Variants in COL6A5 observed in about 807,000 individuals in gnomAD.
The protein encoded by COL6A5 is collagen type VI alpha 5 chain.
COL6A5 carries 48 observed loss-of-function variants against 65.6 expected under a neutral mutation model. The observed-to-expected ratio is 0.73, with a 90% CI of 0.58 to 0.93. The LOEUF is 0.93. COL6A5 is among the 40% of genes least tolerant of loss of function. The pLI is 0.00. For synonymous variants in COL6A5, 291 were observed against 322.8 expected (o/e 0.90, Z 1.05); for missense variants, 914 against 928.3 (o/e 0.98, Z 0.20).
chr3:130,448,958 G>A (rs1439922280), intron 4 of COL6A5, among the ~76,000 whole-genome samples: 6 of 152,294 alleles, frequency 3.9e-5, no homozygotes, highest in Non-Finnish European at 5.9e-5. Flanking sequence ...CAGGTTGGAC[G>A]GCCCCCATAG....
intron 4 of COL6A5, among the ~76,000 whole-genome samples, chr3:130,450,520 G>A (rs527253179): frequency 1.3e-5 from 2 of 152,248 alleles, no homozygotes; most frequent in South Asian, 4.2e-4. Context: ...CTTTGTGGGT[G>A]TCTGATCCAA....
At chr3:130,359,126 A>G (rs1385621453) in intron 1 of COL6A5, among the ~76,000 whole-genome samples, 1 of 152,206 alleles carries the variant, frequency 6.6e-6, no homozygotes, top group Non-Finnish European at 1.5e-5. Context: ...ATGGTTAAAT[A>G]CATATAGAAA....
chr3:130,409,338 T>A (rs2107672728), exon 18 of COL6A5: 4 of 1,545,558 alleles, frequency 2.6e-6, no homozygotes, highest in Non-Finnish European at 3.5e-6. Context: ...CAGCCCAGGT[T>A]CCAGAGGTGC....
chr3:130,430,468 A>C (rs1474032106), upstream of COL6A5, among the ~76,000 whole-genome samples: 1 of 152,142 alleles, frequency 6.6e-6, no homozygotes, highest in Admixed American at 6.6e-5. Flanking sequence ...CAGATTGGGG[A>C]TAGAGAACAG....
upstream of COL6A5, among the ~76,000 whole-genome samples, chr3:130,429,795 C>A (rs968671462): frequency 6.6e-6 from 1 of 152,180 alleles, no homozygotes; most frequent in Non-Finnish European, 1.5e-5. Flanking sequence ...GCCTGGGACC[C>A]ATCACAGTTT....
chr3:130,425,881 T>G (rs1937592825), intron 29 of COL6A5, among the ~76,000 whole-genome samples: 1 of 152,208 alleles, frequency 6.6e-6, no homozygotes, highest in African/African-American at 2.4e-5. Context: ...TTAAGCATTC[T>G]TATGAGAAAT....
intron 4 of COL6A5, among the ~76,000 whole-genome samples, chr3:130,448,143 C>T (rs1171232107): frequency 6.6e-6 from 1 of 152,112 alleles, no homozygotes; most frequent in African/African-American, 2.4e-5. Context: ...TAGATAAACA[C>T]ACAAAGTTTT....
chr3:130,376,486 G>C, exon 3 of COL6A5: 1 of 1,606,668 alleles, frequency 6.2e-7, no homozygotes, highest in Non-Finnish European at 8.5e-7. Flanking sequence ...TTCATTGGCG[G>C]GTCCCTGCAG....
chr3:130,475,259 G>A (rs1446735765), intron 7 of COL6A5, among the ~76,000 whole-genome samples: 1 of 151,078 alleles, frequency 6.6e-6, no homozygotes, highest in Non-Finnish European at 1.5e-5. Context: ...CCCCAAATTG[G>A]TAAAAGATAT....
chr3:130,476,648 C>G (rs1323058094), intron 7 of COL6A5, among the ~76,000 whole-genome samples: 3 of 152,054 alleles, frequency 2.0e-5, no homozygotes, highest in Non-Finnish European at 4.4e-5. Context: ...GTTTGCAAAA[C>G]ACTGCTATAA....
intron 1 of COL6A5, among the ~76,000 whole-genome samples, chr3:130,438,491 T>G (rs1054630499): frequency 6.6e-5 from 10 of 152,206 alleles, no homozygotes; most frequent in African/African-American, 2.4e-4. Context: ...ATCTAGTCTT[T>G]ACATGTGGGA....
chr3:130,391,276 C>T (rs764447765), exon 7 of COL6A5: 75 of 1,551,426 alleles, frequency 4.8e-5, no homozygotes, highest in Non-Finnish European at 6.5e-5. Flanking sequence ...ACCTAACTAT[C>T]CATTTGGTGA....
At chr3:130,484,193 A>C in exon 8 of COL6A5, 1 of 738,430 alleles carries the variant, frequency 1.4e-6, no homozygotes, top group Non-Finnish European at 2.0e-6. Flanking sequence ...AGCATGCTAA[A>C]TTTGTTCTCC....
Position 130,365,269 on chromosome 3 carries a change from A to ATGTTT in COL6A5, c.-28-8319_-28-8315dup, listed in dbSNP as rs61258830. Among the ~76,000 whole-genome samples, 1,315 of 152,026 alleles carry ATGTTT rather than the reference A, an allele frequency of 8.6e-3. 20 individuals are homozygous for ATGTTT. Among genetic ancestry groups the ATGTTT allele is most frequent in the African/African-American group, 0.029 (1,203 of 41,470 alleles). On this transcript the variant is annotated intron_variant and NMD_transcript_variant, in intron 1 of 41. Transcript: ENST00000312481. ...AAAATCAACAGATGTCTCCTTTAAG[A>ATGTTT]TGTTTTGTTTTGTTTTGTTTTGTTT...
At chr3:130,439,056 T>C (rs916440258) in intron 1 of COL6A5, among the ~76,000 whole-genome samples, 4 of 152,114 alleles carry the variant, frequency 2.6e-5, no homozygotes, top group African/African-American at 9.7e-5. Context: ...CTGGAAATAG[T>C]TGGGATCACT....
chr3:130,378,301 TTCAC>T (rs1270077376), intron 3 of COL6A5, among the ~76,000 whole-genome samples: 1 of 151,908 alleles, frequency 6.6e-6, no homozygotes, highest in Non-Finnish European at 1.5e-5. Flanking sequence ...AGCACCACCA[TTCAC>T]TCAGTTGTTC....
intron 13 of COL6A5, 75 bp from the exon 14 acceptor site, chr3:130,405,513 C>T (rs1936954692): frequency 1.9e-6 from 2 of 1,047,736 alleles, no homozygotes; most frequent in Non-Finnish European, 2.9e-6. Context: ...TTTGTCTTAA[C>T]TCTGTGAAAA....
At chr3:130,403,710 C>T (rs1240565752) in intron 13 of COL6A5, 48 bp downstream of exon 13, 2 of 430,208 alleles carry the variant, frequency 4.6e-6, no homozygotes, top group Admixed American at 5.0e-5. Context: ...ACACACTGTA[C>T]ACACACACAC....
chr3:130,437,926 C>CT (rs1253518201), intron 1 of COL6A5, among the ~76,000 whole-genome samples: 4 of 151,952 alleles, frequency 2.6e-5, no homozygotes, highest in African/African-American at 9.7e-5. Flanking sequence ...AAATAATTTA[C>CT]TTTTTTATTA....
Sources: gnomAD v4.1 joint callset for allele counts (sites outside exome capture counted in the v4.1 genomes callset) on GRCh38, gnomAD v4.1.1 for gene constraint, MANE v1.5 for transcripts, NCBI Gene and HGNC (gene_info 2026-07-23, HGNC 2026-07-21) for gene names.